The following PRKN variants were observed in gnomAD, a reference collection of about 807,000 sequenced individuals.
PRKN encodes the protein E3 ubiquitin-protein ligase parkin.
PRKN carries 56 observed loss-of-function variants against 59.5 expected under a neutral mutation model. That is an observed-to-expected ratio of 0.94 (90% CI 0.76 to 1.18). The LOEUF is 1.18. PRKN is among the 50% of genes most tolerant of loss of function. The pLI, the probability that PRKN is intolerant of heterozygous loss-of-function variation, is 0.00. For synonymous variants in PRKN, 250 were observed against 222.1 expected (o/e 1.13, Z -1.12); for missense variants, 657 against 596.4 (o/e 1.10, Z -1.06).
chr6:162,640,326 A>G (rs1367733230), intron 1 of PRKN, among the ~76,000 whole-genome samples: 1 of 152,146 alleles, frequency 6.6e-6, no homozygotes, highest in African/African-American at 2.4e-5. Context: ...CTCTGATAAA[A>G]AGAGAGCAAG....
At chr6:161,739,400 T>C (rs1440610989) in intron 7 of PRKN, among the ~76,000 whole-genome samples, 4 of 152,188 alleles carry the variant, frequency 2.6e-5, no homozygotes, top group Admixed American at 2.6e-4. Context: ...AGCGAGACTA[T>C]GCCTAAAAAT....
chr6:161,900,053 G>T lies in PRKN; in HGVS notation c.734+73249C>A, dbSNP rs565862939. On this transcript the variant is annotated intron_variant, in intron 6 of 11. Transcript: ENST00000366898. The stretch of plus-strand genomic sequence containing the variant: ...TTGGACCTGGGAGGCAGAGGTTGCA[G>T]TGAGCTGAGATCATGCCACTTCACT... 6.6e-4 allele frequency among the ~76,000 whole-genome samples: 100 copies of T among 152,196 alleles called. 2 individuals carry two copies. The highest frequency in any genetic ancestry group is 2.2e-3 in the African/African-American group (92 of 41,514).
At chr6:161,981,334 A>T (rs1781250296) in intron 5 of PRKN, among the ~76,000 whole-genome samples, 1 of 152,154 alleles carries the variant, frequency 6.6e-6, no homozygotes, top group South Asian at 2.1e-4. Flanking sequence ...CTTCCTATCC[A>T]TGCAGAGGTT....
rs147294363 is a variant in PRKN, at chr6:162,374,078, A to G, written c.171+69232T>C. 3.1e-3 allele frequency among the ~76,000 whole-genome samples: 477 copies of G among 152,332 alleles called. 4 individuals are homozygous for G. The highest frequency in any genetic ancestry group is 0.011 in the African/African-American group (460 of 41,588). ...CCTGATTACACAGTTTACTCTGTAC[A>G]GGGAAAACTTTAGGCCAGACTTAAA... On this transcript the variant is annotated intron_variant, in intron 2 of 11. Transcript: ENST00000366898.
chr6:162,683,905 T>C (rs550207310), intron 1 of PRKN, among the ~76,000 whole-genome samples: 33 of 152,206 alleles, frequency 2.2e-4, no homozygotes, highest in Non-Finnish European at 4.3e-4. Flanking sequence ...CAAAATCACT[T>C]AGGTGGATAA....
chr6:162,569,650 C>A, intron 1 of PRKN: 1 of 693,898 alleles, frequency 1.4e-6, no homozygotes, highest in Non-Finnish European at 2.7e-6. Flanking sequence ...CCAGCTCCAC[C>A]AGGGCCATGG....
chr6:162,435,412 C>T (rs1489674977), intron 2 of PRKN, among the ~76,000 whole-genome samples: 1 of 151,808 alleles, frequency 6.6e-6, no homozygotes, highest in African/African-American at 2.4e-5. Context: ...TGTAAGTCCA[C>T]ATGGGCACAG....
rs551712509 is a variant in PRKN, at chr6:161,663,716, T to C, written c.872-94300A>G. Among the ~76,000 whole-genome samples, 29 of 152,360 alleles carry C rather than the reference T, an allele frequency of 1.9e-4. No individual in the cohort carries two copies. In the South Asian group the frequency reaches 5.6e-3, roughly 29 times the overall value. ...AAACTGCAAAGGATTTCACTTTATGTATGATTTTAATAACAATATTTGGCC... is the reference window on the plus strand; with the variant it reads ...AAACTGCAAAGGATTTCACTTTATGCATGATTTTAATAACAATATTTGGCC... On this transcript the variant is annotated intron_variant, in intron 7 of 11. Coordinates refer to ENST00000366898, the MANE Select transcript of PRKN (RefSeq NM_004562.3).
intron 6 of PRKN, among the ~76,000 whole-genome samples, chr6:161,811,864 G>A (rs531539113): frequency 2.4e-4 from 36 of 152,044 alleles, no homozygotes; most frequent in African/African-American, 8.7e-4. Context: ...GGAGGTTGCA[G>A]TGAGTTGAGA....
chr6:161,556,002 T>C (rs960316619), intron 8 of PRKN, among the ~76,000 whole-genome samples: 4 of 152,208 alleles, frequency 2.6e-5, no homozygotes, highest in Non-Finnish European at 5.9e-5. Flanking sequence ...CTAGTCTATT[T>C]AATTTAGTTA....
rs1421159325 is a variant in PRKN at position 162,010,886 on chromosome 6, A to T, written c.619-37469T>A. ...TAATATATTATAAAATATATTATAT[A>T]ATATATTATATATACTATAATATAT... On this transcript the variant is annotated intron_variant, in intron 5 of 11. Coordinates refer to ENST00000366898, the MANE Select transcript of PRKN (RefSeq NM_004562.3). Among the ~76,000 whole-genome samples, 24 of 10,816 alleles carry T rather than the reference A, an allele frequency of 2.2e-3. 6 individuals carry two copies. The highest frequency in any genetic ancestry group is 0.022 in the African/African-American group (23 of 1,052). 7.1% of individuals were successfully genotyped at this position (10,816 alleles called of 152,430 possible).
chr6:162,555,109 AC>A (rs1387092821), intron 1 of PRKN, among the ~76,000 whole-genome samples: 1 of 152,294 alleles, frequency 6.6e-6, no homozygotes, highest in East Asian at 1.9e-4. Context: ...TGATACCCCA[AC>A]GCAAACACAT....
At chr6:162,244,253 G>C (rs542279953) in intron 3 of PRKN, among the ~76,000 whole-genome samples, 1 of 152,062 alleles carries the variant, frequency 6.6e-6, no homozygotes, top group African/African-American at 2.4e-5. Flanking sequence ...GGAATTCCCA[G>C]GGAGGTGATG....
chr6:161,566,698 C>T lies in PRKN; in HGVS notation c.933+2657G>A, dbSNP rs148971505. On this transcript the variant is annotated intron_variant, in intron 8 of 11. Coordinates refer to ENST00000366898, the MANE Select transcript of PRKN (RefSeq NM_004562.3). This position sits in a 1 kb window ranked among gnomAD's most constrained non-coding sequence, Gnocchi z 4.1. ...GTGGGATTACAGGTGTGAGCTGCCA[C>T]GCCTGGCCTCCTCCCACTTTATTAT... Among the ~76,000 whole-genome samples the T allele has an allele frequency of 5.3e-5, 8 of 152,280 alleles. No homozygotes were observed. In the South Asian group the frequency reaches 6.2e-4, roughly 12 times the overall value.
intron 6 of PRKN, among the ~76,000 whole-genome samples, chr6:161,967,109 C>T (rs1242820909): frequency 2.0e-5 from 3 of 152,180 alleles, no homozygotes; most frequent in Non-Finnish European, 2.9e-5. Flanking sequence ...GGATTACAGG[C>T]GTGAGCCACT....
intron 6 of PRKN, among the ~76,000 whole-genome samples, chr6:161,864,168 C>CT (rs1794019079): frequency 6.6e-6 from 1 of 152,120 alleles, no homozygotes. Context: ...GCATATGGTG[C>CT]TATTTGATTA....
chr6:161,414,025 G>T lies in PRKN; in HGVS notation c.1084-27148C>A, dbSNP rs756181247. On this transcript the variant is annotated intron_variant, in intron 9 of 11. Transcript: ENST00000366898. This position sits in a 1 kb window ranked among gnomAD's most constrained non-coding sequence, Gnocchi z 5.3. ...AAGCAGCCAGGCAGAGCGGTGGGAC[G>T]TGAAACTCCTCGACAGCACTGTGTC... 6.6e-6 allele frequency among the ~76,000 whole-genome samples: 1 copy of T among 152,102 alleles called. No homozygotes were observed. The highest frequency in any genetic ancestry group is 1.5e-5 in the Non-Finnish European group (1 of 68,028).
intron 4 of PRKN, among the ~76,000 whole-genome samples, chr6:162,112,831 C>G (rs1428460086): frequency 6.6e-6 from 1 of 151,816 alleles, no homozygotes; most frequent in Non-Finnish European, 1.5e-5. Context: ...GTGCCAGCTA[C>G]TCGGGAGGCT....
chr6:161,892,611 C>T (rs1364001000), intron 6 of PRKN, among the ~76,000 whole-genome samples: 1 of 151,496 alleles, frequency 6.6e-6, no homozygotes, highest in Non-Finnish European at 1.5e-5. Flanking sequence ...ACCAAAGAGG[C>T]TGAGGTGGGA....
Sources: allele counts gnomAD v4.1 joint callset (sites outside exome capture counted in the v4.1 genomes callset), GRCh38; gene constraint gnomAD v4.1.1; non-coding constraint Gnocchi (gnomAD v3.1); transcripts MANE v1.5; gene names NCBI Gene and HGNC (gene_info 2026-07-23, HGNC 2026-07-21).